The following CSMD1 variants were observed in gnomAD, a reference collection of about 807,000 sequenced individuals.
The protein encoded by CSMD1 is CUB and sushi domain-containing protein 1.
Under a neutral mutation model 417.5 loss-of-function variants are expected in CSMD1, and 213 were observed. That is an observed-to-expected ratio of 0.51 (90% CI 0.46 to 0.57). The LOEUF is 0.57. CSMD1 is among the 20% of genes least tolerant of loss of function. The pLI, the probability that CSMD1 is intolerant of heterozygous loss-of-function variation, is 0.00. For missense variants in CSMD1, 6,923 were observed against 4,529.7 expected (o/e 1.53, Z -15.17); for synonymous variants, 2,862 against 1,736.8 (o/e 1.65, Z -16.11).
intron 3 of CSMD1, among the ~76,000 whole-genome samples, chr8:4,099,633 T>G (rs1801204247): frequency 6.6e-6 from 1 of 152,170 alleles, no homozygotes; most frequent in African/African-American, 2.4e-5. Context: ...AAACCTCACT[T>G]TCTTGGGTTC....
intron 7 of CSMD1, among the ~76,000 whole-genome samples, chr8:3,663,639 A>G (rs902176413): frequency 2.0e-5 from 3 of 152,184 alleles, no homozygotes; most frequent in African/African-American, 7.2e-5. Flanking sequence ...CTAATCAGAA[A>G]CTCAAAAGAA....
intron 1 of CSMD1, among the ~76,000 whole-genome samples, chr8:4,907,306 C>T (rs974160817): frequency 1.3e-5 from 2 of 152,072 alleles, no homozygotes; most frequent in African/African-American, 4.8e-5. Context: ...ACTATAAAAG[C>T]CAAAAGAACT....
intron 1 of CSMD1, among the ~76,000 whole-genome samples, chr8:4,781,949 T>C (rs184530159): frequency 6.6e-6 from 1 of 152,284 alleles, no homozygotes; most frequent in East Asian, 1.9e-4. Context: ...GTAAAAAATA[T>C]ACAAATGACA....
At chr8:4,048,234 C>A (rs1798249315) in intron 3 of CSMD1, among the ~76,000 whole-genome samples, 1 of 152,102 alleles carries the variant, frequency 6.6e-6, no homozygotes, top group Non-Finnish European at 1.5e-5. Context: ...TGTTATTAGT[C>A]ACTGAGATTA....
intron 2 of CSMD1, among the ~76,000 whole-genome samples, chr8:4,545,521 A>T (rs1659502080): frequency 6.7e-6 from 1 of 149,806 alleles, no homozygotes; most frequent in African/African-American, 2.5e-5. Flanking sequence ...TCACGACCCT[A>T]CGAAAGAATC....
At chr8:3,786,446 A>G (rs78373138) in intron 5 of CSMD1, among the ~76,000 whole-genome samples, 11,988 of 152,176 alleles carry the variant, frequency 0.079, 523 homozygotes, top group Middle Eastern at 0.11. Context: ...AAGCATCTGT[A>G]AAGCCATAAA....
At chr8:3,334,974 G>T (rs1459571539) in intron 23 of CSMD1, among the ~76,000 whole-genome samples, 2 of 152,180 alleles carry the variant, frequency 1.3e-5, no homozygotes, top group Non-Finnish European at 1.5e-5. Flanking sequence ...CACAACTCTT[G>T]TAATAATGCT....
rs75259919 is a variant in CSMD1 at position 3,936,317 on chromosome 8, A to G, written c.818+61586T>C. On this transcript the variant is annotated intron_variant, in intron 5 of 69. Transcript: ENST00000635120. The stretch of plus-strand genomic sequence containing the variant: ...CGAAGGTGGCTACACTAAAAGGCAG[A>G]TATTGAGTGTAAACAAAGCAGCCTT... Among the ~76,000 whole-genome samples the G allele has an allele frequency of 5.8e-3, 878 of 152,324 alleles. 6 individuals carry two copies. The highest frequency in any genetic ancestry group is 0.02 in the African/African-American group (835 of 41,578).
At chr8:4,095,550 G>A (rs1405902781) in intron 3 of CSMD1, among the ~76,000 whole-genome samples, 1 of 152,172 alleles carries the variant, frequency 6.6e-6, no homozygotes, top group African/African-American at 2.4e-5. Flanking sequence ...CAACTTTTAA[G>A]GAACTGGGAA....
chr8:3,823,226 C>A (rs114141400), intron 5 of CSMD1, among the ~76,000 whole-genome samples: 6,653 of 152,038 alleles, frequency 0.044, 304 homozygotes, highest in African/African-American at 0.11. Context: ...TAGTTTAGGT[C>A]AAAAATAAAT....
chr8:3,580,036 G>A (rs1800316330), intron 9 of CSMD1, among the ~76,000 whole-genome samples: 1 of 152,040 alleles, frequency 6.6e-6, no homozygotes, highest in African/African-American at 2.4e-5. Context: ...CTAGGGAGGT[G>A]GAAGTTGCAG....
chr8:4,882,189 G>A (rs553865542), intron 1 of CSMD1, among the ~76,000 whole-genome samples: 1 of 151,984 alleles, frequency 6.6e-6, no homozygotes, highest in Non-Finnish European at 1.5e-5. Context: ...ACTAGACGGT[G>A]GTGTACACTG....
intron 1 of CSMD1, among the ~76,000 whole-genome samples, chr8:4,834,105 T>C (rs1800317177): frequency 6.6e-6 from 1 of 152,222 alleles, no homozygotes; most frequent in East Asian, 1.9e-4. Context: ...TGAATTCCTT[T>C]TGTTTCTTGT....
intron 2 of CSMD1, among the ~76,000 whole-genome samples, chr8:4,594,204 T>TTTTTTTG (rs1232852838): frequency 6.9e-6 from 1 of 144,628 alleles, no homozygotes; most frequent in East Asian, 2.0e-4. Context: ...TCTTTTTTTT[T>TTTTTTTG]TTTTTTTTTT....
chr8:4,687,606 T>C (rs903179464), intron 1 of CSMD1, among the ~76,000 whole-genome samples: 1 of 152,208 alleles, frequency 6.6e-6, no homozygotes, highest in Non-Finnish European at 1.5e-5. Context: ...GTAGTTACTC[T>C]GTATTTTCCC....
intron 25 of CSMD1, among the ~76,000 whole-genome samples, chr8:3,303,100 C>T (rs1413314420): frequency 6.6e-6 from 1 of 152,126 alleles, no homozygotes; most frequent in African/African-American, 2.4e-5. Context: ...TCTATGAAAA[C>T]TAAGGGAAGG....
chr8:4,161,750 A>G (rs1319660076), intron 3 of CSMD1, among the ~76,000 whole-genome samples: 10 of 152,218 alleles, frequency 6.6e-5, no homozygotes, highest in Non-Finnish European at 1.5e-4. Context: ...TGATTCTGGA[A>G]CCAGTTTCAA....
intron 3 of CSMD1, among the ~76,000 whole-genome samples, chr8:4,058,290 G>C (rs1798801284): frequency 6.6e-6 from 1 of 152,030 alleles, no homozygotes; most frequent in Non-Finnish European, 1.5e-5. Context: ...TATTCTCTTT[G>C]AAGCAACTGT....
At chr8:3,631,461 A>G (rs1219420582) in intron 7 of CSMD1, among the ~76,000 whole-genome samples, 1 of 152,252 alleles carries the variant, frequency 6.6e-6, no homozygotes, top group Non-Finnish European at 1.5e-5. Context: ...GAATAGGCAG[A>G]TAAAACAACA....
Sources: gnomAD v4.1 joint callset for allele counts (sites outside exome capture counted in the v4.1 genomes callset) on GRCh38, gnomAD v4.1.1 for gene constraint, MANE v1.5 for transcripts, NCBI Gene and HGNC (gene_info 2026-07-23, HGNC 2026-07-21) for gene names.